ANKS1B: variants seen among roughly 807,000 people sequenced by gnomAD.
ANKS1B encodes ankyrin repeat and sterile alpha motif domain containing 1B.
Under a neutral mutation model 148.3 loss-of-function variants are expected in ANKS1B, and 36 were observed. The ratio of observed to expected loss-of-function variants is 0.24; its 90% CI spans 0.19 to 0.32. ANKS1B has a LOEUF of 0.32. Among genes scored for constraint, ANKS1B ranks in the 10% least tolerant of loss-of-function variants. The pLI, the probability that ANKS1B is intolerant of heterozygous loss-of-function variation, is 1.00. For synonymous variants in ANKS1B, 542 were observed against 560.8 expected, an observed-to-expected ratio of 0.97 and a Z score of 0.47; for missense variants, 1,157 against 1,542.6, an observed-to-expected ratio of 0.75 and a Z score of 4.19.
chr12:98,945,908 T>G (rs1193999689), intron 17 of ANKS1B, among the ~76,000 whole-genome samples: 2 of 152,218 alleles, frequency 1.3e-5, no homozygotes, highest in African/African-American at 4.8e-5. Context: ...GAACAAATCT[T>G]TTCCCCTAGT....
At chr12:98,767,586 G>A (rs189037139) in intron 25 of ANKS1B, among the ~76,000 whole-genome samples, 3 of 152,380 alleles carry the variant, frequency 2.0e-5, no homozygotes, top group East Asian at 1.9e-4. Context: ...TTTCAGAGGA[G>A]TGAGAATTAG....
chr12:99,967,907 CAAAAAAAAAAAAA>C lies in ANKS1B; in HGVS notation c.134+16184_134+16196del, dbSNP rs71436975. Among the ~76,000 whole-genome samples, 3 of 106,898 alleles carry C rather than the reference CAAAAAAAAAAAAA, an allele frequency of 2.8e-5. No homozygotes were observed. The East Asian group carries it at 1.7e-3, about 62-fold the overall frequency. The allele number at this position is 106,898 out of a possible 152,430, so 70.1% of individuals were successfully genotyped here. Reference sequence around the variant, plus strand: ...GGGCGACAAGGGCGAAACTCCGTCTCAAAAAAAAAAAAAAAAGAAAAAGAAAAAAGAAAAATGG... The same window carrying C: ...GGGCGACAAGGGCGAAACTCCGTCTCAAAGAAAAAGAAAAAAGAAAAATGG... On this transcript the variant is annotated intron_variant, in intron 1 of 26. Transcript: ENST00000683438.
intron 9 of ANKS1B, among the ~76,000 whole-genome samples, chr12:99,559,108 A>T (rs2097306784): frequency 6.6e-6 from 1 of 152,012 alleles, no homozygotes; most frequent in African/African-American, 2.4e-5. Flanking sequence ...CAGCAACTGA[A>T]TCCTCTCTCC....
intron 9 of ANKS1B, among the ~76,000 whole-genome samples, chr12:99,554,631 A>C (rs948414061): frequency 6.6e-6 from 1 of 152,304 alleles, no homozygotes; most frequent in African/African-American, 2.4e-5. Flanking sequence ...TGAAGAAAAG[A>C]AGCTCAGAAC....
At chr12:99,392,075 C>G (rs539820393) in intron 12 of ANKS1B, among the ~76,000 whole-genome samples, 68 of 152,350 alleles carry the variant, frequency 4.5e-4, no homozygotes, top group Non-Finnish European at 7.8e-4. Flanking sequence ...ATCATCCTCT[C>G]TAACCCTTTA....
rs917102970 is a variant in ANKS1B, at chr12:98,934,422, C to T, written c.2779-102286G>A. Among the ~76,000 whole-genome samples, 7 of 152,060 alleles carry T rather than the reference C, an allele frequency of 4.6e-5. No individual in the cohort carries two copies. The South Asian group carries it at 1.5e-3, about 32-fold the overall frequency. ...CTTTGTGATATATATTGAAATAGGA[C>T]GTGTGAGGCCTCCAGCTTTTTTCTT... On this transcript the variant is annotated intron_variant, in intron 17 of 26. Coordinates refer to ENST00000683438, the MANE Select transcript of ANKS1B (RefSeq NM_001352186.2).
chr12:99,936,363 T>G (rs925402479), intron 1 of ANKS1B, among the ~76,000 whole-genome samples: 1 of 152,150 alleles, frequency 6.6e-6, no homozygotes, highest in Non-Finnish European at 1.5e-5. Flanking sequence ...CAGGGATAAT[T>G]AGGCCAGGCA....
chr12:99,686,980 C>T (rs2098653223), intron 8 of ANKS1B, among the ~76,000 whole-genome samples: 1 of 152,040 alleles, frequency 6.6e-6, no homozygotes, highest in Non-Finnish European at 1.5e-5. Context: ...ATCATTTTTG[C>T]CTTTTGCCTG....
At chr12:98,848,240 A>C (rs184217992) in intron 17 of ANKS1B, among the ~76,000 whole-genome samples, 1 of 152,364 alleles carries the variant, frequency 6.6e-6, no homozygotes, top group East Asian at 1.9e-4. Flanking sequence ...ATTCACACAC[A>C]GTGAGGAATT....
chr12:99,657,445 G>A (rs774530232), intron 8 of ANKS1B, among the ~76,000 whole-genome samples: 16 of 152,122 alleles, frequency 1.1e-4, no homozygotes, highest in Admixed American at 2.6e-4. Context: ...TCTGTTACAC[G>A]AGTAAAGTCC....
At chr12:98,775,394 T>G (rs537028747) in intron 24 of ANKS1B, among the ~76,000 whole-genome samples, 1 of 152,234 alleles carries the variant, frequency 6.6e-6, no homozygotes, top group Admixed American at 6.5e-5. Context: ...TGGTACTCTC[T>G]CCTCCTGTGT....
intron 14 of ANKS1B, chr12:99,154,970 C>T (rs770021418): frequency 1.3e-4 from 203 of 1,535,278 alleles, no homozygotes; most frequent in Non-Finnish European, 1.7e-4. Context: ...TCCTACACAC[C>T]CATCCAAGCG....
Position 98,894,569 on chromosome 12 carries a change from T to C in ANKS1B, c.2779-62433A>G, listed in dbSNP as rs995875887. 9 of 984,918 alleles carry C rather than the reference T, an allele frequency of 9.1e-6. No individual in the cohort carries two copies. The African/African-American group carries it at 1.4e-4, about 15-fold the overall frequency. 61.0% of individuals were successfully genotyped at this position (984,918 alleles called of 1,614,324 possible). ...CTGCCCCGGCTGCGGCACCACTTCTTGGAGCCACGTCTCGGCGAGCGGGGG... is the reference window on the plus strand; with the variant it reads ...CTGCCCCGGCTGCGGCACCACTTCTCGGAGCCACGTCTCGGCGAGCGGGGG... On this transcript the variant is annotated intron_variant, in intron 17 of 26. Coordinates refer to ENST00000683438, the MANE Select transcript of ANKS1B (RefSeq NM_001352186.2).
intron 8 of ANKS1B, among the ~76,000 whole-genome samples, chr12:99,742,102 AG>A (rs753668693): frequency 1.3e-5 from 2 of 151,824 alleles, no homozygotes; most frequent in Non-Finnish European, 2.9e-5. Context: ...AGCCTATTGG[AG>A]GGTGGAAGGT....
chr12:99,667,528 C>CT, intron 8 of ANKS1B, among the ~76,000 whole-genome samples: 1 of 152,222 alleles, frequency 6.6e-6, no homozygotes, highest in East Asian at 1.9e-4. Flanking sequence ...ATCATATCAC[C>CT]TGTGAATAAA....
chr12:99,458,718 T>C (rs946769256), intron 10 of ANKS1B, among the ~76,000 whole-genome samples: 5 of 151,198 alleles, frequency 3.3e-5, no homozygotes, highest in Non-Finnish European at 7.4e-5. Flanking sequence ...CAGGAAGAAA[T>C]AGAAACTCTG....
chr12:99,159,365 A>G (rs936851180), intron 14 of ANKS1B, among the ~76,000 whole-genome samples: 2 of 152,044 alleles, frequency 1.3e-5, no homozygotes, highest in East Asian at 1.9e-4. Context: ...TTTTTCATAC[A>G]TTGTCCCCCT....
At chr12:99,489,793 T>C (rs2175522) in intron 10 of ANKS1B, among the ~76,000 whole-genome samples, 28,454 of 152,224 alleles carry the variant, frequency 0.19, 2,901 homozygotes, top group Non-Finnish European at 0.23. Flanking sequence ...ATTCTCTTTT[T>C]ATTGCCTTTA....
chr12:99,929,873 C>G (rs2153807151), intron 1 of ANKS1B, among the ~76,000 whole-genome samples: 1 of 151,274 alleles, frequency 6.6e-6, no homozygotes, highest in African/African-American at 2.4e-5. Context: ...GTTTTGGTAC[C>G]AGTACCATGC....
Sources: gnomAD v4.1 joint callset for allele counts (sites outside exome capture counted in the v4.1 genomes callset) on GRCh38, gnomAD v4.1.1 for gene constraint, MANE v1.5 for transcripts, NCBI Gene and HGNC (gene_info 2026-07-23, HGNC 2026-07-21) for gene names.